PPM1L: variants seen among roughly 807,000 people sequenced by gnomAD.
PPM1L encodes protein phosphatase 1L.
In PPM1L, 13 loss-of-function variants were observed where a neutral mutation model predicts 31.4. That is an observed-to-expected ratio of 0.41 (90% CI 0.27 to 0.66). The LOEUF is 0.66. PPM1L is among the 30% of genes least tolerant of loss of function. The pLI is 0.29. For synonymous variants in PPM1L, 184 were observed against 175.4 expected, an observed-to-expected ratio of 1.05 and a Z score of -0.39; for missense variants, 326 against 453.7, an observed-to-expected ratio of 0.72 and a Z score of 2.56.
intron 1 of PPM1L, among the ~76,000 whole-genome samples, chr3:160,952,491 T>TC (rs1715604995): frequency 1.3e-5 from 2 of 152,220 alleles, no homozygotes; most frequent in South Asian, 4.1e-4. Flanking sequence ...TACCTTGTGA[T>TC]CATCCCTCGG....
Position 160,857,520 on chromosome 3 carries a change from G to T in PPM1L, c.399+100813G>T, listed in dbSNP as rs1045707042. Reference sequence around the variant, plus strand: ...TCCTTTTTAGTCTTTTTGTCTTGTGGCTGGGACCATATGGTTTTCTGAAGT... The same window carrying T: ...TCCTTTTTAGTCTTTTTGTCTTGTGTCTGGGACCATATGGTTTTCTGAAGT... On this transcript the variant is annotated intron_variant, in intron 1 of 3. Coordinates refer to ENST00000498165, the MANE Select transcript of PPM1L (RefSeq NM_139245.4). Among the ~76,000 whole-genome samples, 16 of 152,120 alleles carry T rather than the reference G, an allele frequency of 1.1e-4. 1 individual carries two copies. The highest frequency in any genetic ancestry group is 9.2e-4 in the Admixed American group (14 of 15,262).
chr3:160,895,273 CATA>C (rs1486148617), intron 1 of PPM1L, among the ~76,000 whole-genome samples: 1 of 152,130 alleles, frequency 6.6e-6, no homozygotes, highest in Non-Finnish European at 1.5e-5. Context: ...GGTGCAGTGG[CATA>C]ATAATAGCTC....
intron 1 of PPM1L, among the ~76,000 whole-genome samples, chr3:160,808,410 T>TGCGCGCGCGCGC (rs1712700050): frequency 9.8e-6 from 1 of 102,114 alleles, no homozygotes; most frequent in East Asian, 3.8e-4. Context: ...TGTGTGTGTG[T>TGCGCGCGCGCGC]GTGTGTGTGT....
At chr3:160,783,262 T>G (rs778728962) in intron 1 of PPM1L, among the ~76,000 whole-genome samples, 7 of 152,078 alleles carry the variant, frequency 4.6e-5, no homozygotes, top group Non-Finnish European at 1.0e-4. Flanking sequence ...AAAAAAATGA[T>G]TCTCAGGAAA....
intron 2 of PPM1L, among the ~76,000 whole-genome samples, chr3:160,972,135 T>C (rs1716360897): frequency 6.6e-6 from 1 of 152,228 alleles, no homozygotes. Context: ...TATATTAATA[T>C]GCTATCAGCA....
chr3:160,815,366 C>T (rs894509431), intron 1 of PPM1L, among the ~76,000 whole-genome samples: 1 of 152,098 alleles, frequency 6.6e-6, no homozygotes, highest in Non-Finnish European at 1.5e-5. Flanking sequence ...CAACTGTTCT[C>T]AGATTATTTT....
chr3:160,881,597 A>G (rs1712717853), intron 1 of PPM1L, among the ~76,000 whole-genome samples: 1 of 152,186 alleles, frequency 6.6e-6, no homozygotes, highest in Non-Finnish European at 1.5e-5. Flanking sequence ...ACTTTTAATG[A>G]TTTCAGAATT....
intron 1 of PPM1L, among the ~76,000 whole-genome samples, chr3:160,957,608 C>T (rs1270165423): frequency 2.2e-5 from 3 of 138,284 alleles, no homozygotes; most frequent in South Asian, 2.3e-4. Context: ...GACGGAGTGT[C>T]GCTCTGTCGC....
At chr3:160,814,556 CACAT>C (rs1436585314) in intron 1 of PPM1L, among the ~76,000 whole-genome samples, 1 of 101,388 alleles carries the variant, frequency 9.9e-6, no homozygotes, top group Non-Finnish European at 2.1e-5. Context: ...TATACACACA[CACAT>C]ATGTATGTAT....
At chr3:160,765,619 A>G (rs1048838739) in intron 1 of PPM1L, among the ~76,000 whole-genome samples, 21 of 152,250 alleles carry the variant, frequency 1.4e-4, no homozygotes, top group African/African-American at 4.8e-4. Flanking sequence ...CTATCCCACT[A>G]CAGAAAATCT....
At position 161,071,484 on chromosome 3, in the gene PPM1L, T is replaced by C. The variant is rs1174291882; in HGVS notation, c.*2327T>C. 1.3e-5 allele frequency: 2 copies of C among 152,214 alleles called. No homozygotes were observed. Among genetic ancestry groups the C allele is most frequent in the Non-Finnish European group, 2.9e-5 (2 of 68,048 alleles). The allele number at this position is 152,214 out of a possible 1,614,324, so 9.4% of individuals were successfully genotyped here. On this transcript the variant is annotated 3_prime_UTR_variant, in exon 4 of 4. Coordinates refer to ENST00000498165, the MANE Select transcript of PPM1L (RefSeq NM_139245.4). The stretch of plus-strand genomic sequence containing the variant: ...TGAGTGCACGAGTTACATAACTTTC[T>C]CTCTAATTGAGGTTCACAAGGCGTC...
intron 2 of PPM1L, among the ~76,000 whole-genome samples, chr3:161,007,165 G>A (rs1717741233): frequency 6.6e-6 from 1 of 152,180 alleles, no homozygotes; most frequent in Admixed American, 6.5e-5. Flanking sequence ...TTCTAATGGA[G>A]GGGGCACATT....
chr3:160,774,188 C>A lies in PPM1L; in HGVS notation c.399+17481C>A, dbSNP rs367681993. 7.5e-4 allele frequency among the ~76,000 whole-genome samples: 114 copies of A among 152,262 alleles called. 1 individual carries two copies. The highest frequency in any genetic ancestry group is 6.4e-3 in the South Asian group (31 of 4,818). On this transcript the variant is annotated intron_variant, in intron 1 of 3. Coordinates refer to ENST00000498165, the MANE Select transcript of PPM1L (RefSeq NM_139245.4). ...GTTGTCTTTTCTTCTCATGGTCGTGCCTTTATTCTCTCAGTCCGCCACTCC... is the reference window on the plus strand; with the variant it reads ...GTTGTCTTTTCTTCTCATGGTCGTGACTTTATTCTCTCAGTCCGCCACTCC...
chr3:160,920,024 C>T (rs1238419892), intron 1 of PPM1L, among the ~76,000 whole-genome samples: 1 of 152,056 alleles, frequency 6.6e-6, no homozygotes, highest in Non-Finnish European at 1.5e-5. Flanking sequence ...GTCCTGGGAA[C>T]ATGGGCAGAT....
At chr3:160,800,313 G>A (rs1443324903) in intron 1 of PPM1L, among the ~76,000 whole-genome samples, 3 of 152,056 alleles carry the variant, frequency 2.0e-5, no homozygotes, top group Non-Finnish European at 4.4e-5. Context: ...GTTGTGTGGT[G>A]GATTGGGAAA....
chr3:160,883,560 G>A, intron 1 of PPM1L, among the ~76,000 whole-genome samples: 1 of 152,034 alleles, frequency 6.6e-6, no homozygotes, highest in East Asian at 1.9e-4. Context: ...AGTTAGAACA[G>A]TGAGTCAGAA....
At chr3:160,904,108 G>C (rs17826418) in intron 1 of PPM1L, among the ~76,000 whole-genome samples, 3,585 of 152,188 alleles carry the variant, frequency 0.024, 78 homozygotes, top group Middle Eastern at 0.034. Context: ...TAATGAGTCA[G>C]GTAGCTTTGT....
At chr3:160,767,302 C>T (rs1338355226) in intron 1 of PPM1L, among the ~76,000 whole-genome samples, 4 of 151,658 alleles carry the variant, frequency 2.6e-5, no homozygotes, top group Non-Finnish European at 2.9e-5. Context: ...GGCACCATCT[C>T]GGTTCACTGC....
chr3:160,982,959 C>G (rs934503668), intron 2 of PPM1L, among the ~76,000 whole-genome samples: 1 of 152,138 alleles, frequency 6.6e-6, no homozygotes, highest in Admixed American at 6.6e-5. Flanking sequence ...TTTTAAAGAA[C>G]TCATATTTTT....
Sources: gnomAD v4.1 joint callset for allele counts (sites outside exome capture counted in the v4.1 genomes callset) on GRCh38, gnomAD v4.1.1 for gene constraint, MANE v1.5 for transcripts, NCBI Gene and HGNC (gene_info 2026-07-23, HGNC 2026-07-21) for gene names.